The following CLSPN variants were observed in gnomAD, a reference collection of about 807,000 sequenced individuals.
CLSPN encodes claspin homolog.
In CLSPN, 85 loss-of-function variants were observed where a neutral mutation model predicts 156.3. That is an observed-to-expected ratio of 0.54 (90% CI 0.46 to 0.65). CLSPN has a LOEUF of 0.65. Ranked by LOEUF, CLSPN falls within the 30% of genes least tolerant of loss-of-function variation. CLSPN has a pLI of 0.00. For synonymous variants in CLSPN, 534 were observed against 542.4 expected (o/e 0.98, Z 0.22); for missense variants, 1,407 against 1,554.9 (o/e 0.90, Z 1.60).
Position 35,748,157 on chromosome 1 carries a change from C to T in CLSPN, c.2473-96G>A, listed in dbSNP as rs987096510. 77 of 1,408,862 alleles carry T rather than the reference C, an allele frequency of 5.5e-5. No homozygotes were observed. The South Asian group carries it at 9.5e-4, about 17-fold the overall frequency. The allele number at this position is 1,408,862 out of a possible 1,614,324, so 87.3% of individuals were successfully genotyped here. A position where few individuals can be genotyped will look rare whatever the true frequency, so the allele number is the denominator to read the frequency against. On this transcript the variant is annotated intron_variant, in intron 13 of 24. Coordinates refer to ENST00000318121, the MANE Select transcript of CLSPN (RefSeq NM_022111.4). Reference sequence around the variant, plus strand: ...AAAGTTGCTATTTGCAATATTTAAGCTACTCTCAGGAAATTGTAGTTGAGG... The same window carrying T: ...AAAGTTGCTATTTGCAATATTTAAGTTACTCTCAGGAAATTGTAGTTGAGG...
In CLSPN at chr1:35,760,350, GT is replaced by G; in HGVS notation, c.1570del (p.Thr524ProfsTer8). The stretch of plus-strand genomic sequence containing the variant: ...ACAATGTAAAGGATTACCTCTGTTG[GT>G]TTCAGGTTCAAGTATCACAAAGGAA... Reference protein sequence around the residue: ...EDSFVILEPETNRELEALKQR... With the variant: ...EDSFVILEPEXNRELEALKQR... On this transcript the variant is annotated frameshift_variant, in exon 8 of 25. Coordinates refer to ENST00000318121, the MANE Select transcript of CLSPN (RefSeq NM_022111.4). LOFTEE classifies it high-confidence loss of function. The G allele has an allele frequency of 6.2e-7, 1 of 1,612,342 alleles. No homozygotes were observed. The highest frequency in any genetic ancestry group is 2.2e-5 in the East Asian group (1 of 44,860).
In CLSPN at chr1:35,760,557, G is replaced by A. The variant is rs758308234; in HGVS notation, c.1364C>T (p.Ala455Val). The A allele has an allele frequency of 8.7e-6, 14 of 1,614,130 alleles. No individual in the cohort carries two copies. Among genetic ancestry groups the A allele is most frequent in the African/African-American group, 1.3e-5 (1 of 75,012 alleles). Residue 455 changes from alanine to valine, a missense_variant, in exon 8 of 25, where the codon GCC becomes GTC. Transcript: ENST00000318121. ...ATTTTGGGGGCCTTCACCCTCCAGG[G>A]CATGAGGTTCAAATGCTACAAGCCC... ...VGGLVAFEPH[A>V]LEGEGPQNPE... is the part of the protein sequence containing the mutation.
At chr1:35,753,642 GA>G (rs1557515833) in intron 9 of CLSPN, 102 bp downstream of exon 9, 15 of 1,154,626 alleles carry the variant, frequency 1.3e-5, no homozygotes, top group Non-Finnish European at 1.6e-5. Context: ...AGCCTCCAAG[GA>G]AAAAGATTCT....
chr1:35,742,200 G>C (rs975039033), intron 18 of CLSPN, among the ~76,000 whole-genome samples: 12 of 152,114 alleles, frequency 7.9e-5, no homozygotes, highest in African/African-American at 2.7e-4. Context: ...GAGGATTTAA[G>C]TTAAAAAGTG....
In CLSPN at chr1:35,762,040, C is replaced by T; in HGVS notation, c.853G>A (p.Ala285Thr). 1 of 1,613,382 alleles carries T rather than the reference C, an allele frequency of 6.2e-7. No homozygotes were observed. Among genetic ancestry groups the T allele is most frequent in the Non-Finnish European group, 8.5e-7 (1 of 1,179,446 alleles). The change falls in exon 6 of 25, where the codon GCA becomes ACA. Residue 285 changes from alanine (A) to threonine (T), a missense_variant. By Grantham distance (58) the Ala-to-Thr change is moderately conservative. Transcript: ENST00000318121. ...GTCTCACTATGCAGTTGTTTTAATG[C>T]TTCTTTACTTAATCTGGCTGCCTTT... ...ERKAARLSKE[A>T]LKQLHSETQR...
Position 35,721,202 on chromosome 1 carries a change from G to A in CLSPN, c.3910-222C>T, listed in dbSNP as rs554943168. On this transcript the variant is annotated intron_variant, in intron 24 of 24. Transcript: ENST00000251195. Reference sequence around the variant, plus strand: ...CCCAGGGTCTCTGGGTTCCATTCACGCACCTCTCAACACTTATTAGGTAAC... The same window carrying A: ...CCCAGGGTCTCTGGGTTCCATTCACACACCTCTCAACACTTATTAGGTAAC... Among the ~76,000 whole-genome samples the A allele has an allele frequency of 8.5e-5, 13 of 152,122 alleles. No individual in the cohort carries two copies. The East Asian group carries it at 2.1e-3, about 25-fold the overall frequency.
rs766230987 is a variant in CLSPN, at chr1:35,748,467, C to G, written c.2410G>C (p.Gly804Arg). The G allele has an allele frequency of 6.2e-7, 1 of 1,614,158 alleles. No individual in the cohort carries two copies. Among genetic ancestry groups the G allele is most frequent in the Admixed American group, 1.7e-5 (1 of 60,014 alleles). Residue 804 changes from glycine to arginine, a missense_variant, in exon 13 of 25, where the codon GGA becomes CGA. Gly to Arg is a moderately radical substitution (Grantham distance 125). Around this residue, in one of 3 missense-constraint regions of CLSPN, gnomAD observed 1,096 missense variants for 1,193.0 expected, o/e 0.92. Transcript: ENST00000318121. ...CCAGGGGAAGGAGATCTGAATCCTCCTGCTGTAGGGAAAAAACTGGTCCCA... is the reference window on the plus strand; with the variant it reads ...CCAGGGGAAGGAGATCTGAATCCTCGTGCTGTAGGGAAAAAACTGGTCCCA... ...GRGTSFFPTA[G>R]GFRSPSPGLF...
chr1:35,721,896 T>G lies in CLSPN; in HGVS notation c.3910-916A>C, dbSNP rs138958288. Among the ~76,000 whole-genome samples the G allele has an allele frequency of 2.4e-3, 370 of 151,838 alleles. 3 individuals are homozygous for G. The highest frequency in any genetic ancestry group is 6.9e-3 in the Admixed American group (106 of 15,268). ...GCTCACACCTGTAATCCCAGCACTTTGGGAGGCCGAGGCAGGCGGATCACT... is the reference window on the plus strand; with the variant it reads ...GCTCACACCTGTAATCCCAGCACTTGGGGAGGCCGAGGCAGGCGGATCACT... On this transcript the variant is annotated intron_variant, in intron 24 of 24. Coordinates refer to the CLSPN transcript ENST00000251195.
intron 24 of CLSPN, among the ~76,000 whole-genome samples, chr1:35,723,715 G>T (rs531111603): frequency 6.6e-6 from 1 of 152,352 alleles, no homozygotes; most frequent in South Asian, 2.1e-4. Flanking sequence ...AGAAGTCATG[G>T]TGTGTTGGCT....
rs553161987 is a variant in CLSPN at position 35,734,446 on chromosome 1, G to A, written c.*2050C>T. The A allele has an allele frequency of 1.8e-4, 140 of 796,244 alleles. No individual in the cohort carries two copies. The highest frequency in any genetic ancestry group is 1.3e-4 in the African/African-American group (7 of 53,454). The allele number at this position is 796,244 out of a possible 1,614,324, so 49.3% of individuals were successfully genotyped here. ...TATAATCCCAGCACTTTGGGAGGCC[G>A]AGACGGGTGGATCACCTCAGGTCAG... On this transcript the variant is annotated 3_prime_UTR_variant, in exon 25 of 25. Coordinates refer to ENST00000318121, the MANE Select transcript of CLSPN (RefSeq NM_022111.4).
intron 24 of CLSPN, among the ~76,000 whole-genome samples, chr1:35,725,735 T>A (rs1051958069): frequency 6.6e-6 from 1 of 152,134 alleles, no homozygotes; most frequent in Admixed American, 6.5e-5. Flanking sequence ...TTTGGGGAGC[T>A]GGGTGTATAA....
In CLSPN at chr1:35,734,102, C is replaced by A. The variant is rs1258457407; in HGVS notation, c.*2394G>T. On this transcript the variant is annotated 3_prime_UTR_variant, in exon 25 of 25. Transcript: ENST00000318121. ...AGTTAACTTGATCAATTCACTAGGA[C>A]TGAGAAGCCAGTGAGGGGACAATTG... 2 of 985,286 alleles carry A rather than the reference C, an allele frequency of 2.0e-6. No homozygotes were observed. Among genetic ancestry groups the A allele is most frequent in the Admixed American group, 1.2e-4 (2 of 16,260 alleles). The allele number at this position is 985,286 out of a possible 1,614,324, so 61.0% of individuals were successfully genotyped here.
chr1:35,749,800 G>A lies in CLSPN; in HGVS notation c.2040C>T (p.Phe680=), dbSNP rs544279912. The change falls in exon 11 of 25, where the codon TTC becomes TTT. Residue 680 remains phenylalanine, a synonymous_variant. Transcript: ENST00000318121. ...EEEGNQETAE[F]LLSSEEIETK... ...TTTCTATTTCTTCACTACTAAGAAG[G>A]AATTCTGCAGTCTTTACCAATCAGG... 1.6e-5 allele frequency: 26 copies of A among 1,613,734 alleles called. No individual in the cohort carries two copies. In the South Asian group the frequency reaches 2.4e-4, roughly 15 times the overall value.
chr1:35,748,856 C>T (rs750144130), intron 12 of CLSPN: 9 of 406,180 alleles, frequency 2.2e-5, no homozygotes, highest in African/African-American at 1.2e-4. Context: ...GAGACAGTCT[C>T]GCTCTGTCAC....
At chr1:35,736,733 T>C in intron 24 of CLSPN, 127 bp from the exon 25 acceptor site, 1 of 1,417,430 alleles carries the variant, frequency 7.1e-7, no homozygotes, top group Non-Finnish European at 9.3e-7. Flanking sequence ...AAAGATAAAC[T>C]TTCTCGGCAA....
chr1:35,747,939 A>G lies in CLSPN; in HGVS notation c.2595T>C (p.Asp865=). 6.2e-7 allele frequency: 1 copy of G among 1,614,178 alleles called. No individual in the cohort carries two copies. The highest frequency in any genetic ancestry group is 2.2e-5 in the East Asian group (1 of 44,888). The change falls in exon 14 of 25, where the codon GAT becomes GAC. Residue 865 remains aspartate (D), a synonymous_variant. Coordinates refer to ENST00000318121, the MANE Select transcript of CLSPN (RefSeq NM_022111.4). The part of the protein sequence containing the change: ...GAGDFQFCLE[D]DTQSQLLDAD... ...CATCCAACAGTTGGCTCTGAGTGTC[A>G]TCTTCTAAACAGAACTGGAAGTCTC...
chr1:35,741,924 A>G (rs1641705670), intron 18 of CLSPN, among the ~76,000 whole-genome samples: 1 of 137,222 alleles, frequency 7.3e-6, no homozygotes, highest in Admixed American at 8.1e-5. Flanking sequence ...CAGTGAGCCG[A>G]GATCATGCCA....
At chr1:35,759,230 G>A (rs1014968447) in intron 8 of CLSPN, among the ~76,000 whole-genome samples, 2 of 152,156 alleles carry the variant, frequency 1.3e-5, no homozygotes, top group Non-Finnish European at 2.9e-5. Flanking sequence ...ATAGAGTAGG[G>A]AACAAGGCAG....
At chr1:35,748,888 T>C (rs2148619004) in intron 12 of CLSPN, 1 of 386,038 alleles carries the variant, frequency 2.6e-6, no homozygotes, top group Non-Finnish European at 4.8e-6. Context: ...TGTAGTGGCG[T>C]GAATTCGGCT....
Sources: gnomAD v4.1 joint callset for allele counts (sites outside exome capture counted in the v4.1 genomes callset) on GRCh38, gnomAD v4.1.1 for gene constraint, gnomAD v4.1.1 regional missense constraint, MANE v1.5 for transcripts, NCBI Gene and HGNC (gene_info 2026-07-23, HGNC 2026-07-21) for gene names.